DYNC2H1: variants seen among roughly 807,000 people sequenced by gnomAD.
The protein encoded by DYNC2H1 is cytoplasmic dynein 2 heavy chain 1.
In DYNC2H1, 410 loss-of-function variants were observed where a neutral mutation model predicts 570.0. That is an observed-to-expected ratio of 0.72 (90% CI 0.66 to 0.78). The LOEUF (loss-of-function observed/expected upper bound fraction) is 0.78, where lower values mean the gene tolerates loss of function less well. Among genes scored for constraint, DYNC2H1 ranks in the 30% least tolerant of loss-of-function variants. The probability of loss-of-function intolerance (pLI) is 0.00; values close to 1 mark genes in which losing one functional copy is unlikely to be tolerated. For missense variants in DYNC2H1, 4,865 were observed against 5,046.4 expected, an observed-to-expected ratio of 0.96 and a Z score of 1.09; for synonymous variants, 1,688 against 1,677.6, an observed-to-expected ratio of 1.01 and a Z score of -0.15.
chr11:103,125,050 C>A, intron 11 of DYNC2H1, 50 bp from the exon 12 acceptor site: 1 of 1,440,106 alleles, frequency 6.9e-7, no homozygotes, highest in Non-Finnish European at 9.5e-7. Flanking sequence ...GTTTATTAGT[C>A]AAAACAGTGA....
At position 103,254,646 on chromosome 11, in the gene DYNC2H1, G is replaced by T. The variant is rs898003945; in HGVS notation, c.10207-769G>T. ...CCCACCAGAAATATAGGAGGGTTCC[G>T]CTTTTTTCCATATCCTTGCCAACTC... On this transcript the variant is annotated intron_variant, in intron 66 of 88. Transcript: ENST00000375735. The surrounding 1 kb of genome is among the most constrained non-coding windows in gnomAD (Gnocchi z 4.9). Among the ~76,000 whole-genome samples the T allele has an allele frequency of 6.6e-6, 1 of 152,070 alleles. No homozygotes were observed. Among genetic ancestry groups the T allele is most frequent in the South Asian group, 2.1e-4 (1 of 4,830 alleles).
At position 103,168,744 on chromosome 11, in the gene DYNC2H1, T is replaced by C; in HGVS notation, c.4763-11T>C. On this transcript the variant is annotated splice_polypyrimidine_tract_variant and intron_variant, in intron 31 of 88. Coordinates refer to ENST00000375735, the MANE Select transcript of DYNC2H1 (RefSeq NM_001377.3). ...TTTTCTCCAATTGTCAATATTTTTA[T>C]TTCTGCCTAGAATCGGGCATCCTGG... The C allele has an allele frequency of 6.2e-7, 1 of 1,610,466 alleles. No individual in the cohort carries two copies. Among genetic ancestry groups the C allele is most frequent in the Non-Finnish European group, 8.5e-7 (1 of 1,178,536 alleles).
At position 103,116,657 on chromosome 11, in the gene DYNC2H1, C is replaced by T. The variant is rs778241213; in HGVS notation, c.709C>T (p.Gln237Ter). 1 of 1,608,818 alleles carries T rather than the reference C, an allele frequency of 6.2e-7. No individual in the cohort carries two copies. The highest frequency in any genetic ancestry group is 1.1e-5 in the South Asian group (1 of 90,318). ...GGATGTTGTAGATGATGTGTGGAGA[C>T]AAACAGAACATGATCATTATCCTGA... is the stretch of plus-strand genomic sequence containing the variant. ...TQDVVDDVWR[Q>*]TEHDHYPESR... is the part of the protein sequence containing the mutation. Residue 237 changes from glutamine (Q) to a stop codon, truncating the protein, a stop_gained, in exon 5 of 89, where the codon CAA (glutamine) becomes TAA (stop). Transcript: ENST00000375735. LOFTEE classifies it high-confidence loss of function.
intron 83 of DYNC2H1, among the ~76,000 whole-genome samples, chr11:103,365,647 C>CT (rs1027213254): frequency 2.0e-5 from 3 of 152,268 alleles, no homozygotes; most frequent in African/African-American, 7.2e-5. Context: ...AAGGAGAGAA[C>CT]TGAGATGGCA....
At chr11:103,476,498 T>A (rs1179593814) in intron 88 of DYNC2H1, among the ~76,000 whole-genome samples, 111 of 152,202 alleles carry the variant, frequency 7.3e-4, no homozygotes, top group Admixed American at 7.2e-3. Context: ...TATTAGCATA[T>A]AAAGTGCTGT....
chr11:103,339,656 C>T (rs1939342229), intron 82 of DYNC2H1, among the ~76,000 whole-genome samples: 1 of 152,162 alleles, frequency 6.6e-6, no homozygotes, highest in Non-Finnish European at 1.5e-5. Flanking sequence ...TGCATGTACT[C>T]TTGTCATCGC....
chr11:103,274,607 T>G (rs1755265066), intron 70 of DYNC2H1, among the ~76,000 whole-genome samples: 1 of 152,172 alleles, frequency 6.6e-6, no homozygotes, highest in Non-Finnish European at 1.5e-5. Flanking sequence ...CAAATCTGAA[T>G]TTTAACCTAA....
At chr11:103,142,090 G>A (rs1026743006) in intron 17 of DYNC2H1, among the ~76,000 whole-genome samples, 3 of 152,238 alleles carry the variant, frequency 2.0e-5, no homozygotes, top group African/African-American at 4.8e-5. Context: ...GGATTGACCC[G>A]ATTTTCCAGG....
chr11:103,138,445 G>T (rs1354865638), intron 17 of DYNC2H1, among the ~76,000 whole-genome samples: 1 of 152,156 alleles, frequency 6.6e-6, no homozygotes, highest in Non-Finnish European at 1.5e-5. Flanking sequence ...TTTGTCAAAG[G>T]CCTTTTCTGT....
intron 57 of DYNC2H1, among the ~76,000 whole-genome samples, chr11:103,221,746 C>A (rs1297927030): frequency 6.6e-6 from 1 of 152,108 alleles, no homozygotes; most frequent in Non-Finnish European, 1.5e-5. Context: ...GTCCCAGCTA[C>A]TTGGGAGGCT....
At chr11:103,288,452 T>C (rs1467876744) in intron 75 of DYNC2H1, among the ~76,000 whole-genome samples, 1 of 151,844 alleles carries the variant, frequency 6.6e-6, no homozygotes, top group Non-Finnish European at 1.5e-5. Context: ...GGTTTGACTC[T>C]GAAACAATAT....
At chr11:103,152,890 C>G (rs1466830793) in intron 21 of DYNC2H1, among the ~76,000 whole-genome samples, 1 of 152,126 alleles carries the variant, frequency 6.6e-6, no homozygotes, top group Non-Finnish European at 1.5e-5. Flanking sequence ...TTTTATCAAC[C>G]AGAAGTTAGC....
At chr11:103,194,297 T>TC (rs1862432075) in intron 47 of DYNC2H1, among the ~76,000 whole-genome samples, 1 of 19,928 alleles carries the variant, frequency 5.0e-5, no homozygotes, top group Non-Finnish European at 1.0e-4. Flanking sequence ...AATATACCAC[T>TC]CTTTTTTTAA....
intron 84 of DYNC2H1, among the ~76,000 whole-genome samples, chr11:103,425,924 C>G (rs1943654218): frequency 6.8e-6 from 1 of 147,726 alleles, no homozygotes. Flanking sequence ...GAACAGGCCC[C>G]CAAATCTGGC....
At chr11:103,403,275 A>G (rs1006497100) in intron 84 of DYNC2H1, 1 of 152,052 alleles carries the variant, frequency 6.6e-6, no homozygotes, top group African/African-American at 2.4e-5. Context: ...AATTCTCAAG[A>G]GGTTAAATGT....
Position 103,117,692 on chromosome 11 carries a change from T to C in DYNC2H1, c.828T>C (p.Pro276=), listed in dbSNP as rs1013912636. The part of the protein sequence containing the change: ...KLGTLNLWED[P]YYLVKESLKA... ...GAACTTTGAACCTGTGGGAAGATCCTTATTATCTTGTGAAAGAAAGTCTGA... is the reference window on the plus strand; with the variant it reads ...GAACTTTGAACCTGTGGGAAGATCCCTATTATCTTGTGAAAGAAAGTCTGA... The change falls in exon 6 of 89, where the codon CCT becomes CCC. Residue 276 remains proline, a synonymous_variant. Coordinates refer to ENST00000375735, the MANE Select transcript of DYNC2H1 (RefSeq NM_001377.3). 2.1e-5 allele frequency: 34 copies of C among 1,612,590 alleles called. No individual in the cohort carries two copies. The highest frequency in any genetic ancestry group is 5.3e-5 in the African/African-American group (4 of 74,912).
At chr11:103,387,988 C>T (rs1941963885) in intron 83 of DYNC2H1, among the ~76,000 whole-genome samples, 1 of 152,088 alleles carries the variant, frequency 6.6e-6, no homozygotes, top group Non-Finnish European at 1.5e-5. Context: ...AATGCAGGCT[C>T]TTTTTTGGTT....
At chr11:103,220,899 G>A in intron 57 of DYNC2H1, 116 bp downstream of exon 57, 2 of 959,774 alleles carry the variant, frequency 2.1e-6, no homozygotes, top group Non-Finnish European at 1.5e-6. Context: ...ATACATGGGT[G>A]TACATTTTGG....
At chr11:103,292,049 T>C (rs1866625277) in intron 75 of DYNC2H1, among the ~76,000 whole-genome samples, 1 of 152,238 alleles carries the variant, frequency 6.6e-6, no homozygotes, top group African/African-American at 2.4e-5. Flanking sequence ...TCCATTTATA[T>C]TCAGAGTTAT....
Sources: gnomAD v4.1 joint callset for allele counts (sites outside exome capture counted in the v4.1 genomes callset) on GRCh38, gnomAD v4.1.1 for gene constraint, Gnocchi (gnomAD v3.1) non-coding constraint, MANE v1.5 for transcripts, NCBI Gene and HGNC (gene_info 2026-07-23, HGNC 2026-07-21) for gene names.